Variants in LEKR1 observed in about 807,000 individuals in gnomAD.
LEKR1 encodes leucine, glutamate and lysine rich 1, also known as protein LEKR1.
In LEKR1, 59 loss-of-function variants were observed where a neutral mutation model predicts 72.4. That is an observed-to-expected ratio of 0.82 (90% CI 0.66 to 1.01). The LOEUF (loss-of-function observed/expected upper bound fraction) is 1.01, where lower values mean the gene tolerates loss of function less well. Ranked by LOEUF, LEKR1 falls within the 50% of genes least tolerant of loss-of-function variation. The pLI is 0.00. For synonymous variants in LEKR1, 257 were observed against 263.2 expected, an observed-to-expected ratio of 0.98 and a Z score of 0.23; for missense variants, 728 against 759.2, an observed-to-expected ratio of 0.96 and a Z score of 0.48.
At chr3:156,924,643 G>A (rs1180562449) in intron 4 of LEKR1, 5 of 454,220 alleles carry the variant, frequency 1.1e-5, no homozygotes, top group Non-Finnish European at 2.0e-5. Flanking sequence ...TATGAGGTAA[G>A]AATCTAAATT....
At chr3:156,828,588 A>T (rs79687131) in intron 1 of LEKR1, among the ~76,000 whole-genome samples, 6 of 146,978 alleles carry the variant, frequency 4.1e-5, no homozygotes, top group South Asian at 2.1e-4. Context: ...GGAAGGATTT[A>T]AAAAAAAAAA....
At chr3:156,966,510 C>T (rs1033054900) in intron 6 of LEKR1, among the ~76,000 whole-genome samples, 31 of 152,156 alleles carry the variant, frequency 2.0e-4, no homozygotes, top group Admixed American at 9.8e-4. Context: ...GGGTCCTGCG[C>T]CCATGGAGCC....
At chr3:157,035,132 C>A (rs1346530162) in intron 12 of LEKR1, among the ~76,000 whole-genome samples, 4 of 152,148 alleles carry the variant, frequency 2.6e-5, no homozygotes, top group Non-Finnish European at 2.9e-5. Flanking sequence ...AATGCTATTG[C>A]ACACTTAACT....
chr3:156,969,179 G>C (rs939254028), intron 6 of LEKR1, among the ~76,000 whole-genome samples: 1 of 152,042 alleles, frequency 6.6e-6, no homozygotes, highest in African/African-American at 2.4e-5. Flanking sequence ...AAGCAAGAAA[G>C]ATCTAAAATT....
chr3:157,006,162 C>T (rs867983275), intron 9 of LEKR1, among the ~76,000 whole-genome samples: 10 of 151,746 alleles, frequency 6.6e-5, no homozygotes, highest in East Asian at 1.9e-4. Flanking sequence ...CCCGCCACCG[C>T]GCCCGGCTAA....
intron 3 of LEKR1, among the ~76,000 whole-genome samples, chr3:156,898,475 G>A (rs1462704703): frequency 1.3e-5 from 2 of 152,154 alleles, no homozygotes; most frequent in Admixed American, 1.3e-4. Flanking sequence ...GTGGGAAAAA[G>A]ACCATCTGTG....
intron 12 of LEKR1, among the ~76,000 whole-genome samples, chr3:157,030,793 G>T (rs887277379): frequency 6.6e-6 from 1 of 152,132 alleles, no homozygotes; most frequent in African/African-American, 2.4e-5. Flanking sequence ...TGGCTTTCAG[G>T]CTTACTTATA....
intron 9 of LEKR1, among the ~76,000 whole-genome samples, chr3:157,007,504 T>C (rs1238154276): frequency 1.3e-5 from 2 of 152,238 alleles, no homozygotes; most frequent in African/African-American, 4.8e-5. Flanking sequence ...TGTGATGGAA[T>C]CCACTGGTGC....
chr3:156,956,539 A>T (rs992624445), intron 6 of LEKR1, among the ~76,000 whole-genome samples: 12 of 152,050 alleles, frequency 7.9e-5, no homozygotes, highest in Non-Finnish European at 1.6e-4. Context: ...TTATATAATA[A>T]GTGCTATAGA....
chr3:156,935,666 C>G (rs558501324), intron 5 of LEKR1, among the ~76,000 whole-genome samples: 4 of 152,258 alleles, frequency 2.6e-5, no homozygotes, highest in South Asian at 4.1e-4. Flanking sequence ...ATCCCACTTA[C>G]ATGAAAAGAT....
chr3:156,849,313 A>G (rs344093), intron 2 of LEKR1, among the ~76,000 whole-genome samples: 50,963 of 151,994 alleles, frequency 0.34, 11,174 homozygotes, highest in African/African-American at 0.62. Flanking sequence ...AATCAATATC[A>G]TGAAAATGGC....
intron 4 of LEKR1, chr3:156,924,736 T>C: frequency 5.0e-6 from 2 of 400,412 alleles, no homozygotes; most frequent in Non-Finnish European, 8.8e-6. Context: ...CCTCAGCATC[T>C]TTGCCTAAAA....
chr3:156,940,191 T>G (rs904043058), intron 5 of LEKR1, among the ~76,000 whole-genome samples: 2 of 152,066 alleles, frequency 1.3e-5, no homozygotes, highest in Admixed American at 1.3e-4. Context: ...TGGTAGAAAT[T>G]ATGGGGGAAA....
intron 6 of LEKR1, 64 bp from the exon 7 acceptor site, chr3:156,979,130 C>T: frequency 1.4e-6 from 1 of 711,916 alleles, no homozygotes; most frequent in Non-Finnish European, 2.2e-6. Context: ...ATATGGTTTA[C>T]TCTATGAAAA....
intron 5 of LEKR1, among the ~76,000 whole-genome samples, chr3:156,931,193 A>G (rs1344066338): frequency 2.0e-5 from 3 of 152,176 alleles, no homozygotes; most frequent in Admixed American, 2.0e-4. Context: ...AATGCCTACA[A>G]GTCAATAATA....
At chr3:156,926,498 C>A (rs557905686) in intron 4 of LEKR1, among the ~76,000 whole-genome samples, 8 of 152,076 alleles carry the variant, frequency 5.3e-5, no homozygotes, top group African/African-American at 1.7e-4. Context: ...TATCCCCTGG[C>A]TTTTCTGACA....
At chr3:156,912,643 G>T (rs1293028687) in intron 3 of LEKR1, among the ~76,000 whole-genome samples, 1 of 152,164 alleles carries the variant, frequency 6.6e-6, no homozygotes. Flanking sequence ...CCCACTCGAG[G>T]ATTGTATTGT....
At chr3:156,882,874 T>G (rs1719593765) in intron 3 of LEKR1, among the ~76,000 whole-genome samples, 1 of 151,528 alleles carries the variant, frequency 6.6e-6, no homozygotes, top group East Asian at 1.9e-4. Context: ...AAATTGGAAA[T>G]CATCATTCTC....
chr3:157,040,158 A>C (rs1415610616), intron 12 of LEKR1, among the ~76,000 whole-genome samples: 1 of 151,888 alleles, frequency 6.6e-6, no homozygotes, highest in Non-Finnish European at 1.5e-5. Context: ...TATATTGAGA[A>C]ATTTTTGTAT....
Sources: allele counts gnomAD v4.1 joint callset (sites outside exome capture counted in the v4.1 genomes callset), GRCh38; gene constraint gnomAD v4.1.1; transcripts MANE v1.5; gene names NCBI Gene and HGNC (gene_info 2026-07-23, HGNC 2026-07-21).